The following DAOA variants were observed in gnomAD, a reference collection of about 807,000 sequenced individuals.
DAOA encodes D-amino acid oxidase regulator.
A neutral mutation model predicts 16.4 loss-of-function variants in DAOA; 15 were observed. The ratio of observed to expected loss-of-function variants is 0.91; its 90% CI spans 0.61 to 1.41. DAOA has a LOEUF of 1.41. Among genes scored for constraint, DAOA ranks in the 40% most tolerant of loss-of-function variants. The pLI is 0.00. For synonymous variants in DAOA, 75 were observed against 59.1 expected (o/e 1.27, Z -1.23); for missense variants, 230 against 176.8 (o/e 1.30, Z -1.71).
intron 3 of DAOA, among the ~76,000 whole-genome samples, chr13:105,471,051 A>G (rs1041939021): frequency 3.3e-5 from 5 of 151,464 alleles, no homozygotes; most frequent in Non-Finnish European, 7.4e-5. Context: ...GCCTCCCAAA[A>G]TGCTGGGATT....
rs1334147510 is a variant in DAOA, at chr13:105,472,501, T to A, written c.134-37T>A. 8 of 1,595,634 alleles carry A rather than the reference T, an allele frequency of 5.0e-6. No homozygotes were observed. In the African/African-American group the frequency reaches 1.1e-4, roughly 22 times the overall value. On this transcript the variant is annotated intron_variant, in intron 3 of 5. Transcript: ENST00000375936. Reference sequence around the variant, plus strand: ...TGTATGTTAAAAGATGTGATAGAGTTAATATGTATTATATATCCACTTAAA... The same window carrying A: ...TGTATGTTAAAAGATGTGATAGAGTAAATATGTATTATATATCCACTTAAA...
At chr13:105,475,103 A>G in intron 4 of DAOA, 1 of 938,942 alleles carries the variant, frequency 1.1e-6, no homozygotes, top group Non-Finnish European at 1.3e-6. Flanking sequence ...CCCTAGTGAG[A>G]TAAGAAAGCA....
At chr13:105,485,911 G>A (rs9558570) in intron 4 of DAOA, among the ~76,000 whole-genome samples, 3 of 151,994 alleles carry the variant, frequency 2.0e-5, no homozygotes, top group African/African-American at 7.2e-5. Context: ...CAAACTGGGA[G>A]AGAATAGATT....
rs74415470 is a variant in DAOA, at chr13:105,487,171, G to A, written c.282-2730G>A. Among the ~76,000 whole-genome samples the A allele has an allele frequency of 2.5e-4, 38 of 152,114 alleles. No individual in the cohort carries two copies. The East Asian group carries it at 5.2e-3, about 21-fold the overall frequency. On this transcript the variant is annotated intron_variant, in intron 4 of 5. Coordinates refer to ENST00000375936, the MANE Select transcript of DAOA (RefSeq NM_172370.5). ...TTGCCAGCTGGTTTTGAAAATACCC[G>A]GAGTCTCACATATATGCAATTATTT... is the stretch of plus-strand genomic sequence containing the variant.
intron 4 of DAOA, among the ~76,000 whole-genome samples, chr13:105,487,139 C>T (rs1878170344): frequency 6.6e-6 from 1 of 152,106 alleles, no homozygotes; most frequent in African/African-American, 2.4e-5. Flanking sequence ...TAGAGAATAA[C>T]ACAATTTTGC....
chr13:105,482,968 T>A (rs771114475), intron 4 of DAOA, among the ~76,000 whole-genome samples: 3 of 152,192 alleles, frequency 2.0e-5, no homozygotes, highest in Non-Finnish European at 4.4e-5. Context: ...ACCACGGTAA[T>A]GTTTACCACA....
rs751822351 is a variant in DAOA, at chr13:105,472,620, G to T, written c.216G>T (p.Met72Ile). 6 of 1,614,048 alleles carry T rather than the reference G, an allele frequency of 3.7e-6. No homozygotes were observed. The Admixed American group carries it at 8.3e-5, about 22-fold the overall frequency. ...GGCATGAGGACGGCTATTTGGAAAT[G>T]GCACAGAGGCATTTACAGAGATCAT... ...KRRHEDGYLE[M>I]AQRHLQRSLC... Residue 72 changes from methionine (M) to isoleucine (I), a missense_variant, in exon 4 of 6, where the codon ATG (methionine) becomes ATT (isoleucine). Transcript: ENST00000375936.
At chr13:105,480,139 C>T (rs1877611541) in intron 4 of DAOA, among the ~76,000 whole-genome samples, 1 of 152,154 alleles carries the variant, frequency 6.6e-6, no homozygotes, top group Admixed American at 6.5e-5. Flanking sequence ...CAGCCAGTCA[C>T]ATCTTATAAA....
Position 105,466,259 on chromosome 13 carries a change from A to G in DAOA, c.-30A>G. ...CAGGAGGTCTCATCTCTGCTTCACA[A>G]TGCCGATGATTTAGCTGGGAGGACC... On this transcript the variant is annotated 5_prime_UTR_variant, in exon 2 of 6. The change abolishes an upstream ATG in the 5' untranslated region. Transcript: ENST00000375936. The G allele has an allele frequency of 6.2e-7, 1 of 1,613,946 alleles. No homozygotes were observed. Among genetic ancestry groups the G allele is most frequent in the African/African-American group, 1.3e-5 (1 of 75,072 alleles).
Position 105,466,253 on chromosome 13 carries a change from T to C in DAOA, c.-36T>C. On this transcript the variant is annotated 5_prime_UTR_variant, in exon 2 of 6. Transcript: ENST00000375936. ...GCATGGCAGGAGGTCTCATCTCTGC[T>C]TCACAATGCCGATGATTTAGCTGGG... 1 of 1,613,840 alleles carries C rather than the reference T, an allele frequency of 6.2e-7. No homozygotes were observed. The highest frequency in any genetic ancestry group is 8.5e-7 in the Non-Finnish European group (1 of 1,179,814).
intron 4 of DAOA, among the ~76,000 whole-genome samples, chr13:105,475,981 C>T (rs560289623): frequency 3.9e-5 from 6 of 151,984 alleles, no homozygotes; most frequent in East Asian, 1.9e-4. Flanking sequence ...AATGCACACA[C>T]ATATATATAT....
intron 4 of DAOA, among the ~76,000 whole-genome samples, chr13:105,473,326 T>C (rs1358590527): frequency 6.6e-6 from 1 of 152,134 alleles, no homozygotes; most frequent in African/African-American, 2.4e-5. Flanking sequence ...AATTATTTAA[T>C]TATGTGTTCA....
intron 3 of DAOA, among the ~76,000 whole-genome samples, chr13:105,471,158 C>T (rs1876925843): frequency 6.6e-6 from 1 of 152,170 alleles, no homozygotes; most frequent in Non-Finnish European, 1.5e-5. Flanking sequence ...CTCCTGACCT[C>T]AGGTGATCCG....
intron 4 of DAOA, among the ~76,000 whole-genome samples, chr13:105,484,047 T>A (rs1877941474): frequency 6.6e-6 from 1 of 152,126 alleles, no homozygotes; most frequent in South Asian, 2.1e-4. Flanking sequence ...CAACTTGAGT[T>A]AAATTTTAAA....
chr13:105,474,990 A>T (rs1345737843), intron 4 of DAOA: 1 of 985,650 alleles, frequency 1.0e-6, no homozygotes, highest in South Asian at 4.7e-5. Flanking sequence ...TTCCAAGGTG[A>T]TTCTAAATGG....
At chr13:105,480,868 G>A (rs1877693202) in intron 4 of DAOA, among the ~76,000 whole-genome samples, 1 of 152,144 alleles carries the variant, frequency 6.6e-6, no homozygotes, top group African/African-American at 2.4e-5. Flanking sequence ...TGGGCCATCA[G>A]CTGATGAGAC....
At chr13:105,474,062 T>C (rs1031376906) in intron 4 of DAOA, among the ~76,000 whole-genome samples, 2 of 152,152 alleles carry the variant, frequency 1.3e-5, no homozygotes, top group African/African-American at 4.8e-5. Flanking sequence ...AAACTATGTA[T>C]ATATTTTATT....
At chr13:105,489,299 G>A (rs1421788978) in intron 4 of DAOA, among the ~76,000 whole-genome samples, 1 of 152,094 alleles carries the variant, frequency 6.6e-6, no homozygotes, top group Non-Finnish European at 1.5e-5. Context: ...AAATTCTTTA[G>A]CTGTGTGACC....
intron 3 of DAOA, among the ~76,000 whole-genome samples, chr13:105,472,302 G>T (rs1168242535): frequency 6.6e-6 from 1 of 152,140 alleles, no homozygotes; most frequent in African/African-American, 2.4e-5. Flanking sequence ...AGTATAGTCC[G>T]ATCCAGAGAG....
Sources: allele counts gnomAD v4.1 joint callset (sites outside exome capture counted in the v4.1 genomes callset), GRCh38; gene constraint gnomAD v4.1.1; transcripts MANE v1.5; gene names NCBI Gene and HGNC (gene_info 2026-07-23, HGNC 2026-07-21).